Variants in HTR2C observed in about 807,000 individuals in gnomAD.
HTR2C encodes the protein 5-hydroxytryptamine (serotonin) receptor 2C, G protein-coupled.
HTR2C carries 5 observed loss-of-function variants against 21.0 expected under a neutral mutation model. That is an observed-to-expected ratio of 0.24 (90% confidence interval 0.12 to 0.50). The LOEUF (loss-of-function observed/expected upper bound fraction) is 0.50, where lower values mean the gene tolerates loss of function less well. HTR2C is among the 20% of genes least tolerant of loss of function. The probability of loss-of-function intolerance (pLI) is 0.98; values close to 1 mark genes in which losing one functional copy is unlikely to be tolerated. For missense variants in HTR2C, 271 were observed against 371.2 expected, an observed-to-expected ratio of 0.73 and a Z score of 2.22; for synonymous variants, 150 against 145.3, an observed-to-expected ratio of 1.03 and a Z score of -0.23.
chrX:114,820,039 T>G (rs1490496185), intron 4 of HTR2C, among the ~76,000 whole-genome samples: 1 of 110,239 alleles, frequency 9.1e-6, no homozygotes, highest in African/African-American at 3.3e-5. Context: ...AACCACAAAA[T>G]GGAGGGGGTG....
At chrX:114,755,388 G>A (rs2069802450) in intron 4 of HTR2C, among the ~76,000 whole-genome samples, 1 of 111,606 alleles carries the variant, frequency 9.0e-6, no homozygotes, top group African/African-American at 3.3e-5. Context: ...CTTTCTTTGG[G>A]AGTTTTAGAT....
chrX:114,807,828 A>C (rs1242377530), intron 4 of HTR2C, among the ~76,000 whole-genome samples: 3 of 109,491 alleles, frequency 2.7e-5, no homozygotes, highest in Admixed American at 9.8e-5. Flanking sequence ...GCATACCACC[A>C]CGCCCAGCTA....
intron 4 of HTR2C, among the ~76,000 whole-genome samples, chrX:114,783,355 G>C (rs2070139198): frequency 9.0e-6 from 1 of 111,701 alleles, no homozygotes; most frequent in African/African-American, 3.2e-5. Context: ...AAATAGCTAA[G>C]AGAGTAAAAG....
chrX:114,886,142 TTAGA>T (rs2071218705), intron 5 of HTR2C, among the ~76,000 whole-genome samples: 1 of 111,488 alleles, frequency 9.0e-6, no homozygotes, highest in African/African-American at 3.2e-5. Flanking sequence ...ATCTATTTTG[TTAGA>T]TATTAATTAG....
At chrX:114,872,541 C>T (rs1282995408) in intron 5 of HTR2C, among the ~76,000 whole-genome samples, 2 of 109,922 alleles carry the variant, frequency 1.8e-5, no homozygotes, top group Admixed American at 9.8e-5. Flanking sequence ...AAAAATCCCT[C>T]GTGATTCTTC....
At chrX:114,634,941 C>T (rs1929783848) in intron 2 of HTR2C, among the ~76,000 whole-genome samples, 1 of 112,341 alleles carries the variant, frequency 8.9e-6, no homozygotes, top group African/African-American at 3.2e-5. Context: ...GACAACTGTA[C>T]AATCAGCAAT....
chrX:114,586,211 T>C (rs781852797), intron 1 of HTR2C, among the ~76,000 whole-genome samples: 1 of 111,599 alleles, frequency 9.0e-6, no homozygotes, highest in East Asian at 2.8e-4. Context: ...TCTTTTGCAG[T>C]ACTGAAATCA....
intron 4 of HTR2C, chrX:114,775,529 C>G: frequency 2.0e-6 from 1 of 495,913 alleles, no homozygotes; most frequent in Non-Finnish European, 3.8e-6. Context: ...TAGTACTATG[C>G]TTGATGAGGA....
rs1602843459 is a variant in HTR2C, at chrX:114,824,615, G to T, written c.350-23388G>T. 2.7e-5 allele frequency among the ~76,000 whole-genome samples: 3 copies of T among 111,690 alleles called. No individual in the cohort carries two copies. The East Asian group carries it at 8.5e-4, about 32-fold the overall frequency. ...TCCACTGACTTTAAATTAGGGTCAA[G>T]TTAAACAGGCCATCTCCAAAGACTT... On this transcript the variant is annotated intron_variant, in intron 4 of 5. Coordinates refer to ENST00000276198, the MANE Select transcript of HTR2C (RefSeq NM_000868.4).
rs138231521 is a variant in HTR2C, at chrX:114,796,445, G to A, written c.350-51558G>A. ...TAAATGCAGCAGAGGTCGCTGAAAG[G>A]ATCTGCATTTGACACTTTGGAGATG... On this transcript the variant is annotated intron_variant, in intron 4 of 5. Transcript: ENST00000276198. Among the ~76,000 whole-genome samples the A allele has an allele frequency of 6.1e-3, 678 of 111,425 alleles. 3 individuals carry two copies. Among genetic ancestry groups the A allele is most frequent in the Non-Finnish European group, 9.8e-3 (519 of 52,944 alleles).
At chrX:114,770,761 T>C (rs781868845) in intron 4 of HTR2C, among the ~76,000 whole-genome samples, 1 of 108,088 alleles carries the variant, frequency 9.3e-6, no homozygotes, top group Non-Finnish European at 1.9e-5. Flanking sequence ...CCTGCCTTTA[T>C]GCCATACTTT....
At chrX:114,895,730 G>T (rs1470213986) in intron 5 of HTR2C, among the ~76,000 whole-genome samples, 1 of 111,726 alleles carries the variant, frequency 9.0e-6, no homozygotes, top group Non-Finnish European at 1.9e-5. Context: ...GCTCACGCCT[G>T]TAATCCCAGC....
At chrX:114,899,309 C>T (rs1379897974) in intron 5 of HTR2C, among the ~76,000 whole-genome samples, 1 of 111,374 alleles carries the variant, frequency 9.0e-6, no homozygotes, top group African/African-American at 3.3e-5. Context: ...AAGTGGGGCC[C>T]GCAGGACAAT....
chrX:114,797,364 G>T (rs186706742), intron 4 of HTR2C, among the ~76,000 whole-genome samples: 1,217 of 111,329 alleles, frequency 0.011, 16 homozygotes, highest in African/African-American at 0.038. Context: ...TTTCTGCCAA[G>T]TTGTGGATTT....
At chrX:114,683,972 G>T (rs1283002107) in intron 2 of HTR2C, among the ~76,000 whole-genome samples, 1 of 111,173 alleles carries the variant, frequency 9.0e-6, no homozygotes, top group Non-Finnish European at 1.9e-5. Flanking sequence ...CTCTGTACAA[G>T]TTCATACAAT....
Position 114,654,339 on chromosome X carries a change from A to G in HTR2C, c.-80+40458A>G, listed in dbSNP as rs997562540. On this transcript the variant is annotated intron_variant, in intron 2 of 5. Transcript: ENST00000276198. ...CATATATATAATTTTTTCGCTAAAA[A>G]CTCATGGTACCTACCTAGTAATGGT... is the stretch of plus-strand genomic sequence containing the variant. Among the ~76,000 whole-genome samples, 68 of 107,346 alleles carry G rather than the reference A, an allele frequency of 6.3e-4. 1 individual carries two copies. The highest frequency in any genetic ancestry group is 2.2e-3 in the African/African-American group (65 of 29,904). The allele number at this position is 107,346 out of a possible 115,157, so 93.2% of individuals were successfully genotyped here.
chrX:114,802,782 C>A (rs1000884170), intron 4 of HTR2C, among the ~76,000 whole-genome samples: 3 of 98,520 alleles, frequency 3.0e-5, no homozygotes, highest in African/African-American at 1.1e-4. Flanking sequence ...GCACAATGTG[C>A]AGGTTAGTTA....
intron 4 of HTR2C, among the ~76,000 whole-genome samples, chrX:114,786,472 A>G (rs1238674392): frequency 8.9e-6 from 1 of 112,022 alleles, no homozygotes; most frequent in Non-Finnish European, 1.9e-5. Flanking sequence ...CTTTAGTAAT[A>G]CAATCAAGTA....
intron 2 of HTR2C, among the ~76,000 whole-genome samples, chrX:114,621,307 C>T (rs1001860176): frequency 9.0e-6 from 1 of 111,499 alleles, no homozygotes. Context: ...ATATGGGAAC[C>T]ATGTAGGCTC....
Sources: gnomAD v4.1 joint callset for allele counts (sites outside exome capture counted in the v4.1 genomes callset) on GRCh38, gnomAD v4.1.1 for gene constraint, MANE v1.5 for transcripts, NCBI Gene and HGNC (gene_info 2026-07-23, HGNC 2026-07-21) for gene names.